GRM8: variants seen among roughly 807,000 people sequenced by gnomAD.
GRM8 encodes the protein glutamate metabotropic receptor 8, also known as metabotropic glutamate receptor 8.
Under a neutral mutation model 87.2 loss-of-function variants are expected in GRM8, and 47 were observed. That is an observed-to-expected ratio of 0.54 (90% CI 0.43 to 0.69). The LOEUF (loss-of-function observed/expected upper bound fraction) is 0.69. Among genes scored for constraint, GRM8 ranks in the 30% least tolerant of loss-of-function variants. The pLI, the probability that GRM8 is intolerant of heterozygous loss-of-function variation, is 0.00. For synonymous variants in GRM8, 396 were observed against 404.5 expected (o/e 0.98, Z 0.25); for missense variants, 1,019 against 1,139.2 (o/e 0.89, Z 1.52).
At chr7:126,560,631 AT>A (rs1238262032) in intron 8 of GRM8, among the ~76,000 whole-genome samples, 2 of 152,168 alleles carry the variant, frequency 1.3e-5, no homozygotes, top group Non-Finnish European at 2.9e-5. Context: ...TAAATACATT[AT>A]TTTCTATAAC....
intron 3 of GRM8, among the ~76,000 whole-genome samples, chr7:127,037,663 G>A (rs1817970990): frequency 6.6e-6 from 1 of 152,162 alleles, no homozygotes; most frequent in Non-Finnish European, 1.5e-5. Context: ...AGCAAGGAGT[G>A]GGGGCTACTA....
chr7:126,838,746 T>C (rs1227387286), intron 6 of GRM8, among the ~76,000 whole-genome samples: 2 of 152,184 alleles, frequency 1.3e-5, no homozygotes, highest in East Asian at 3.8e-4. Flanking sequence ...TCTCCTGAAT[T>C]TGCCATTTAA....
intron 3 of GRM8, among the ~76,000 whole-genome samples, chr7:126,960,636 T>G (rs888615211): frequency 6.6e-6 from 1 of 152,214 alleles, no homozygotes; most frequent in Non-Finnish European, 1.5e-5. Flanking sequence ...AGCCTTAGAC[T>G]AATACCTAGA....
chr7:126,951,511 T>G (rs957467170), intron 3 of GRM8, among the ~76,000 whole-genome samples: 4 of 151,868 alleles, frequency 2.6e-5, no homozygotes, highest in Non-Finnish European at 4.4e-5. Context: ...TACAAATGAG[T>G]TACAAAACTA....
chr7:126,542,076 C>T (rs1038246876), intron 8 of GRM8, among the ~76,000 whole-genome samples: 7 of 152,112 alleles, frequency 4.6e-5, no homozygotes, highest in African/African-American at 9.7e-5. Flanking sequence ...AAGGAGAAAA[C>T]CATCTAAAAG....
intron 7 of GRM8, among the ~76,000 whole-genome samples, chr7:126,762,555 C>A (rs572907201): frequency 2.6e-5 from 4 of 152,124 alleles, no homozygotes; most frequent in African/African-American, 9.6e-5. Flanking sequence ...AACGTTAATT[C>A]TTTCTGAATA....
At chr7:126,501,203 A>T (rs1334680883) in intron 9 of GRM8, among the ~76,000 whole-genome samples, 1 of 152,028 alleles carries the variant, frequency 6.6e-6, no homozygotes, top group African/African-American at 2.4e-5. Flanking sequence ...AGATTTTTAA[A>T]AATTAAGTAC....
chr7:126,745,405 T>C (rs960191722), intron 7 of GRM8, among the ~76,000 whole-genome samples: 1 of 150,282 alleles, frequency 6.7e-6, no homozygotes, highest in African/African-American at 2.4e-5. Context: ...TATTATATTA[T>C]ATTATATTAT....
chr7:126,796,180 T>C (rs1316384851), intron 6 of GRM8, among the ~76,000 whole-genome samples: 1 of 152,076 alleles, frequency 6.6e-6, no homozygotes, highest in African/African-American at 2.4e-5. Context: ...TTAATTAATA[T>C]GAGAAAAGTA....
At chr7:126,772,273 G>A (rs78260930) in intron 6 of GRM8, among the ~76,000 whole-genome samples, 31 of 152,256 alleles carry the variant, frequency 2.0e-4, no homozygotes, top group Non-Finnish European at 4.0e-4. Flanking sequence ...GGCAAGTGAC[G>A]AGGAAATTTC....
chr7:126,648,585 G>C (rs1803439432), intron 7 of GRM8, among the ~76,000 whole-genome samples: 1 of 152,234 alleles, frequency 6.6e-6, no homozygotes, highest in Non-Finnish European at 1.5e-5. Context: ...TAACAGGACA[G>C]ATTCATTAGC....
chr7:126,623,873 G>A (rs1433843608), intron 7 of GRM8, among the ~76,000 whole-genome samples: 2 of 152,184 alleles, frequency 1.3e-5, no homozygotes, highest in African/African-American at 2.4e-5. Flanking sequence ...AGCCCGGGAG[G>A]TGGAAGCTGC....
chr7:126,586,667 T>A (rs932907750), intron 8 of GRM8, among the ~76,000 whole-genome samples: 1 of 152,166 alleles, frequency 6.6e-6, no homozygotes, highest in African/African-American at 2.4e-5. Context: ...TTATACCTTA[T>A]ACAAAAATTA....
At chr7:126,918,239 C>G (rs763290885) in intron 3 of GRM8, among the ~76,000 whole-genome samples, 1 of 152,152 alleles carries the variant, frequency 6.6e-6, no homozygotes. Flanking sequence ...TGATATGCAT[C>G]AGAATCAACA....
intron 3 of GRM8, among the ~76,000 whole-genome samples, chr7:127,030,483 T>C (rs1292792224): frequency 1.3e-5 from 2 of 152,170 alleles, no homozygotes; most frequent in Non-Finnish European, 2.9e-5. Flanking sequence ...GCCCCAATTC[T>C]AGGACTAACG....
intron 1 of GRM8, among the ~76,000 whole-genome samples, chr7:127,244,217 T>G (rs1208132330): frequency 6.6e-6 from 1 of 152,204 alleles, no homozygotes; most frequent in Non-Finnish European, 1.5e-5. Flanking sequence ...TTCCAATTAA[T>G]TTGTCGGTGT....
chr7:127,052,174 G>T (rs1819554930), intron 3 of GRM8, among the ~76,000 whole-genome samples: 1 of 152,150 alleles, frequency 6.6e-6, no homozygotes, highest in Non-Finnish European at 1.5e-5. Flanking sequence ...TAGCTCTTTG[G>T]TGTTGGGCAG....
At chr7:127,040,359 C>T (rs934001437) in intron 3 of GRM8, among the ~76,000 whole-genome samples, 1 of 152,130 alleles carries the variant, frequency 6.6e-6, no homozygotes, top group African/African-American at 2.4e-5. Context: ...ACCTCCATCA[C>T]TGTGGACAGT....
intron 7 of GRM8, among the ~76,000 whole-genome samples, chr7:126,722,486 G>T (rs1040785484): frequency 6.6e-6 from 1 of 151,952 alleles, no homozygotes; most frequent in Non-Finnish European, 1.5e-5. Flanking sequence ...TCTCCAATCA[G>T]CCCTTCATGG....
Sources: gnomAD v4.1 joint callset for allele counts (sites outside exome capture counted in the v4.1 genomes callset) on GRCh38, gnomAD v4.1.1 for gene constraint, MANE v1.5 for transcripts, NCBI Gene and HGNC (gene_info 2026-07-23, HGNC 2026-07-21) for gene names.